Variants in CACNA2D1 observed in about 807,000 individuals in gnomAD.
CACNA2D1 encodes voltage-dependent calcium channel subunit alpha-2/delta-1.
CACNA2D1 carries 53 observed loss-of-function variants against 171.5 expected under a neutral mutation model. That is an observed-to-expected ratio of 0.31 (90% CI 0.25 to 0.39). CACNA2D1 has a LOEUF of 0.39. Among genes scored for constraint, CACNA2D1 ranks in the 10% least tolerant of loss-of-function variants. The probability of loss-of-function intolerance (pLI) is 1.00; values close to 1 mark genes in which losing one functional copy is unlikely to be tolerated. For synonymous variants in CACNA2D1, 442 were observed against 443.1 expected (o/e 1.00, Z 0.03); for missense variants, 903 against 1,299.8 (o/e 0.69, Z 4.69).
At chr7:82,085,635 C>T (rs1025948380) in intron 6 of CACNA2D1, among the ~76,000 whole-genome samples, 7 of 151,610 alleles carry the variant, frequency 4.6e-5, no homozygotes, top group South Asian at 2.1e-4. Context: ...TGACAATATC[C>T]GTGTTAGAAA....
At chr7:81,952,484 A>T (rs760080674) in intron 38 of CACNA2D1, among the ~76,000 whole-genome samples, 21 of 152,160 alleles carry the variant, frequency 1.4e-4, no homozygotes, top group Non-Finnish European at 2.2e-4. Flanking sequence ...TACATCCCAA[A>T]TCTAAATAGA....
intron 38 of CACNA2D1, among the ~76,000 whole-genome samples, chr7:81,956,668 C>T (rs986526214): frequency 5.9e-5 from 9 of 152,000 alleles, no homozygotes; most frequent in Admixed American, 3.3e-4. Flanking sequence ...TATTCTACTC[C>T]CCACCCTCTA....
intron 3 of CACNA2D1, among the ~76,000 whole-genome samples, chr7:82,178,444 A>C (rs1365910667): frequency 6.6e-6 from 1 of 152,070 alleles, no homozygotes; most frequent in Non-Finnish European, 1.5e-5. Flanking sequence ...TGTCCAAATG[A>C]ATATAATTTG....
At chr7:82,080,207 T>G (rs77376512) in intron 7 of CACNA2D1, among the ~76,000 whole-genome samples, 2,609 of 151,602 alleles carry the variant, frequency 0.017, 58 homozygotes, top group African/African-American at 0.054. Context: ...CCTGCCTCTT[T>G]GTATGTGACT....
Position 82,443,386 on chromosome 7 carries a change from T to C in CACNA2D1, c.74A>G (p.Glu25Gly). The change falls in exon 1 of 39, where the codon GAG becomes GGG. Residue 25 changes from glutamate to glycine, a missense_variant. Physicochemically the swap from Glu to Gly is moderately conservative, Grantham distance 98. Around this residue, in one of 5 missense-constraint regions of CACNA2D1, gnomAD observed 41 missense variants for 27.6 expected, o/e 1.49. Transcript: ENST00000356860. ...QSLLIGPSSE[E>G]PFPSAVTIKS... The stretch of plus-strand genomic sequence containing the variant: ...TTACGTGACGGCCGAAGGGAACGGC[T>C]CCTCCGACGAGGGGCCGATGAGCAA... 6.2e-7 allele frequency: 1 copy of C among 1,603,570 alleles called. No individual in the cohort carries two copies. Among genetic ancestry groups the C allele is most frequent in the Non-Finnish European group, 8.5e-7 (1 of 1,175,044 alleles).
At chr7:82,077,122 CTAAT>C (rs1334520799) in intron 7 of CACNA2D1, among the ~76,000 whole-genome samples, 4 of 151,866 alleles carry the variant, frequency 2.6e-5, no homozygotes, top group African/African-American at 7.3e-5. Flanking sequence ...AGTTGACTAC[CTAAT>C]TAAATTTAAA....
intron 19 of CACNA2D1, among the ~76,000 whole-genome samples, chr7:81,995,385 A>G (rs368604640): frequency 2.0e-5 from 3 of 152,304 alleles, no homozygotes; most frequent in East Asian, 1.9e-4. Flanking sequence ...TTAGTTTGTA[A>G]TTCTTATATC....
At chr7:82,271,099 C>G (rs1285949545) in intron 3 of CACNA2D1, among the ~76,000 whole-genome samples, 1 of 152,046 alleles carries the variant, frequency 6.6e-6, no homozygotes, top group East Asian at 1.9e-4. Flanking sequence ...TTTTTCATGT[C>G]AATTGTCACC....
chr7:82,137,899 T>G (rs17155898), intron 4 of CACNA2D1, among the ~76,000 whole-genome samples: 27,256 of 151,612 alleles, frequency 0.18, 2,820 homozygotes, highest in East Asian at 0.34. Flanking sequence ...TAATACACAA[T>G]TTTTAAAACG....
At chr7:82,014,801 C>T (rs1041439898) in intron 12 of CACNA2D1, among the ~76,000 whole-genome samples, 5 of 152,166 alleles carry the variant, frequency 3.3e-5, no homozygotes, top group African/African-American at 1.2e-4. Flanking sequence ...CGCTCGTAAT[C>T]CCAGCACTTC....
At chr7:82,405,707 G>A (rs2129452875) in intron 1 of CACNA2D1, among the ~76,000 whole-genome samples, 1 of 152,278 alleles carries the variant, frequency 6.6e-6, no homozygotes, top group East Asian at 1.9e-4. Context: ...TATAGTTTGA[G>A]TGGTGTCTGG....
intron 3 of CACNA2D1, among the ~76,000 whole-genome samples, chr7:82,180,779 G>A (rs2237516): frequency 0.69 from 104,176 of 151,722 alleles, 35,934 homozygotes; most frequent in East Asian, 0.81. Context: ...CAGGAGGCCA[G>A]TGGGAAGTCT....
At chr7:82,434,024 G>A (rs901751669) in intron 1 of CACNA2D1, among the ~76,000 whole-genome samples, 3 of 152,212 alleles carry the variant, frequency 2.0e-5, no homozygotes, top group Non-Finnish European at 4.4e-5. Context: ...CTGGTTCAAG[G>A]CTTCAAAGGA....
intron 3 of CACNA2D1, among the ~76,000 whole-genome samples, chr7:82,299,371 A>G (rs934492762): frequency 6.6e-6 from 1 of 151,806 alleles, no homozygotes; most frequent in African/African-American, 2.4e-5. Flanking sequence ...AAAAAGTTAG[A>G]TGAGAATGGC....
At chr7:81,974,795 GTAGT>G (rs1314367077) in intron 24 of CACNA2D1, among the ~76,000 whole-genome samples, 2 of 107,412 alleles carry the variant, frequency 1.9e-5, no homozygotes, top group Admixed American at 9.6e-5. Context: ...AAGTTTTGGT[GTAGT>G]TATACTATTA....
intron 4 of CACNA2D1, among the ~76,000 whole-genome samples, chr7:82,142,889 T>A (rs2237511): frequency 6.6e-6 from 1 of 152,064 alleles, no homozygotes; most frequent in Admixed American, 6.5e-5. Context: ...ATAGCTCAAA[T>A]TTTCTGGAAA....
chr7:82,332,524 AAGAAAGAAAGAAAGAAAGAAAG>A (rs1176438859), intron 3 of CACNA2D1, among the ~76,000 whole-genome samples: 4,921 of 139,934 alleles, frequency 0.035, 166 homozygotes, highest in Admixed American at 0.07. Flanking sequence ...GAAAGAAAGA[AAGAAAGAAAGAAAGAAAGAAAG>A]AAAGAAAGAA....
intron 3 of CACNA2D1, among the ~76,000 whole-genome samples, chr7:82,201,980 T>C (rs1022051844): frequency 2.6e-5 from 4 of 152,282 alleles, no homozygotes; most frequent in Non-Finnish European, 2.9e-5. Context: ...ACAATGATAC[T>C]GTCCTGTAAG....
intron 1 of CACNA2D1, among the ~76,000 whole-genome samples, chr7:82,382,784 G>A (rs921820933): frequency 1.2e-4 from 18 of 152,294 alleles, no homozygotes; most frequent in African/African-American, 4.3e-4. Flanking sequence ...AACTAATTAA[G>A]TGACATGTTC....
Sources: gnomAD v4.1 joint callset for allele counts (sites outside exome capture counted in the v4.1 genomes callset) on GRCh38, gnomAD v4.1.1 for gene constraint, gnomAD v4.1.1 regional missense constraint, MANE v1.5 for transcripts, NCBI Gene and HGNC (gene_info 2026-07-23, HGNC 2026-07-21) for gene names.